IGSF21: variants seen among roughly 807,000 people sequenced by gnomAD.
IGSF21 encodes immunoglobin superfamily member 21.
IGSF21 carries 28 observed loss-of-function variants against 46.8 expected under a neutral mutation model. The ratio of observed to expected loss-of-function variants is 0.60; its 90% confidence interval spans 0.44 to 0.82. The LOEUF is 0.82. Ranked by LOEUF, IGSF21 falls within the 40% of genes least tolerant of loss-of-function variation. The pLI is 0.00. For missense variants in IGSF21, 624 were observed against 665.5 expected, an observed-to-expected ratio of 0.94 and a Z score of 0.69; for synonymous variants, 284 against 273.6, an observed-to-expected ratio of 1.04 and a Z score of -0.38.
chr1:18,282,208 T>C (rs151137735), intron 2 of IGSF21, among the ~76,000 whole-genome samples: 1 of 152,238 alleles, frequency 6.6e-6, no homozygotes, highest in African/African-American at 2.4e-5. Context: ...TCCTGACCCC[T>C]GTGTCCAAAT....
chr1:18,227,930 C>G lies in IGSF21; in HGVS notation c.103C>G (p.Pro35Ala), dbSNP rs150336992. 2.3e-4 allele frequency: 370 copies of G among 1,614,078 alleles called. 2 individuals carry two copies. Among genetic ancestry groups the G allele is most frequent in the South Asian group, 1.2e-3 (111 of 91,054 alleles). Residue 35 changes from proline to alanine, a missense_variant, in exon 2 of 10, where the codon CCT (proline) becomes GCT (alanine). Pro to Ala is a conservative substitution (Grantham distance 27). Transcript: ENST00000251296. ...GACAGTCAACATTGAGCCTCTCCCCCCTGTGGTGGCTGGAGACGCCGTGAC... is the reference window on the plus strand; with the variant it reads ...GACAGTCAACATTGAGCCTCTCCCCGCTGTGGTGGCTGGAGACGCCGTGAC... Reference protein sequence around the residue: ...YLTVNIEPLPPVVAGDAVTLK... With the variant: ...YLTVNIEPLPAVVAGDAVTLK...
At chr1:18,138,129 G>C (rs986190593) in intron 1 of IGSF21, among the ~76,000 whole-genome samples, 1 of 152,210 alleles carries the variant, frequency 6.6e-6, no homozygotes, top group Non-Finnish European at 1.5e-5. Flanking sequence ...TAATGGGTTC[G>C]TAAGTGACAG....
chr1:18,328,141 A>G lies in IGSF21; in HGVS notation c.306-6751A>G, dbSNP rs537332479. 1.4e-4 allele frequency among the ~76,000 whole-genome samples: 21 copies of G among 152,314 alleles called. No homozygotes were observed. The South Asian group carries it at 4.1e-3, about 30-fold the overall frequency. On this transcript the variant is annotated intron_variant, in intron 3 of 9. Coordinates refer to ENST00000251296, the MANE Select transcript of IGSF21 (RefSeq NM_032880.5). ...ATAGTGTGGTCATTTAAAAGTATAG[A>G]TGTTCCCGGACTTATGATGGGATTA...
At chr1:18,226,268 A>T (rs1314901259) in intron 1 of IGSF21, among the ~76,000 whole-genome samples, 1 of 152,138 alleles carries the variant, frequency 6.6e-6, no homozygotes, top group African/African-American at 2.4e-5. Flanking sequence ...TGGTCACCTG[A>T]GTGGTGACTG....
intron 2 of IGSF21, among the ~76,000 whole-genome samples, chr1:18,249,399 C>A (rs922317617): frequency 6.6e-6 from 1 of 152,020 alleles, no homozygotes; most frequent in Non-Finnish European, 1.5e-5. Context: ...CAGGTGCCTG[C>A]TAGACACACC....
chr1:18,371,096 A>G (rs1486403852), intron 6 of IGSF21, among the ~76,000 whole-genome samples: 1 of 152,264 alleles, frequency 6.6e-6, no homozygotes, highest in Non-Finnish European at 1.5e-5. Flanking sequence ...AAATGAAAAC[A>G]TATGTCCACA....
intron 1 of IGSF21, among the ~76,000 whole-genome samples, chr1:18,175,866 G>A (rs1182756424): frequency 6.6e-6 from 1 of 152,222 alleles, no homozygotes; most frequent in Non-Finnish European, 1.5e-5. Context: ...TAAAATAATT[G>A]TACTAATATT....
intron 2 of IGSF21, among the ~76,000 whole-genome samples, chr1:18,231,922 C>CGTGTGT (rs150869622): frequency 0.058 from 7,844 of 136,400 alleles, 391 homozygotes; most frequent in African/African-American, 0.13. Context: ...ATCATTAGAT[C>CGTGTGT]GTGTGTGTGT....
chr1:18,245,600 T>C (rs1300321090), intron 2 of IGSF21, among the ~76,000 whole-genome samples: 3 of 152,232 alleles, frequency 2.0e-5, no homozygotes, highest in Admixed American at 6.5e-5. Flanking sequence ...CTCTGAGTTG[T>C]CTAGGCATCC....
intron 1 of IGSF21, among the ~76,000 whole-genome samples, chr1:18,212,077 G>A (rs371801962): frequency 6.6e-6 from 1 of 152,258 alleles, no homozygotes; most frequent in Non-Finnish European, 1.5e-5. Context: ...GCGCAGAGAA[G>A]TGGGATAGCT....
intron 3 of IGSF21, among the ~76,000 whole-genome samples, chr1:18,329,989 C>A (rs2085696622): frequency 6.6e-6 from 1 of 152,188 alleles, no homozygotes; most frequent in African/African-American, 2.4e-5. Context: ...TAAACTCCAG[C>A]CGCTAAACTG....
chr1:18,215,988 G>A (rs975943040), intron 1 of IGSF21, among the ~76,000 whole-genome samples: 2 of 152,154 alleles, frequency 1.3e-5, no homozygotes. Flanking sequence ...GGTGCATACC[G>A]GGTCCCTGGG....
At chr1:18,262,270 G>A (rs2084953664) in intron 2 of IGSF21, among the ~76,000 whole-genome samples, 1 of 152,154 alleles carries the variant, frequency 6.6e-6, no homozygotes, top group African/African-American at 2.4e-5. Context: ...TGCTTCTGGG[G>A]GCATGAACTC....
intron 2 of IGSF21, among the ~76,000 whole-genome samples, chr1:18,245,273 T>A (rs2084773868): frequency 6.6e-6 from 1 of 152,188 alleles, no homozygotes; most frequent in South Asian, 2.1e-4. Context: ...ATTAATTAAA[T>A]GCTCCTTAAA....
rs1553154088 is a variant in IGSF21 at position 18,208,376 on chromosome 1, A to AATATAC, written c.71-19517_71-19516insCATATA. Among the ~76,000 whole-genome samples the AATATAC allele has an allele frequency of 0.016, 363 of 22,040 alleles. 34 individuals carry two copies. In the South Asian group the frequency reaches 0.31, roughly 19 times the overall value. The allele number at this position is 22,040 out of a possible 152,430, so 14.5% of individuals were successfully genotyped here. On this transcript the variant is annotated intron_variant, in intron 1 of 9. Transcript: ENST00000251296. Reference sequence around the variant, plus strand: ...GGCAGTTCTCCTTCAGTTTAGGAATAATATATATATATATATATATTTTTT... The same window carrying AATATAC: ...GGCAGTTCTCCTTCAGTTTAGGAATAATATACATATATATATATATATATATTTTTT...
intron 1 of IGSF21, among the ~76,000 whole-genome samples, chr1:18,125,209 C>T (rs910033621): frequency 3.3e-5 from 5 of 152,172 alleles, no homozygotes; most frequent in South Asian, 2.1e-4. Flanking sequence ...TCGAACTCTG[C>T]GGGAACCCAC....
chr1:18,330,912 C>T (rs2085706303), intron 3 of IGSF21, among the ~76,000 whole-genome samples: 1 of 152,194 alleles, frequency 6.6e-6, no homozygotes. Flanking sequence ...ACATTTGTTA[C>T]CATCAATTAA....
intron 1 of IGSF21, among the ~76,000 whole-genome samples, chr1:18,204,151 C>G (rs1428413300): frequency 6.6e-6 from 1 of 152,202 alleles, no homozygotes; most frequent in African/African-American, 2.4e-5. Context: ...CTCCCAGGCA[C>G]TCCTCTGAGA....
intron 2 of IGSF21, among the ~76,000 whole-genome samples, chr1:18,247,431 G>A (rs2084796345): frequency 6.6e-6 from 1 of 152,152 alleles, no homozygotes; most frequent in African/African-American, 2.4e-5. Flanking sequence ...GGCAGGGAAT[G>A]AGGGTGCCAT....
Sources: gnomAD v4.1 joint callset for allele counts (sites outside exome capture counted in the v4.1 genomes callset) on GRCh38, gnomAD v4.1.1 for gene constraint, MANE v1.5 for transcripts, NCBI Gene and HGNC (gene_info 2026-07-23, HGNC 2026-07-21) for gene names.